ZNF236: variants seen among roughly 807,000 people sequenced by gnomAD.
ZNF236 encodes the protein regulated by glucose.
Under a neutral mutation model 191.2 loss-of-function variants are expected in ZNF236, and 50 were observed. The ratio of observed to expected loss-of-function variants is 0.26; its 90% CI spans 0.21 to 0.33. The LOEUF (loss-of-function observed/expected upper bound fraction) is 0.33. Among genes scored for constraint, ZNF236 ranks in the 10% least tolerant of loss-of-function variants. The pLI, the probability that ZNF236 is intolerant of heterozygous loss-of-function variation, is 1.00. For missense variants in ZNF236, 1,754 were observed against 2,374.5 expected, an observed-to-expected ratio of 0.74 and a Z score of 5.43; for synonymous variants, 907 against 928.8, an observed-to-expected ratio of 0.98 and a Z score of 0.43.
chr18:76,947,799 T>C (rs1968301128), intron 27 of ZNF236, 147 bp downstream of exon 27: 3 of 893,180 alleles, frequency 3.4e-6, no homozygotes, highest in South Asian at 1.8e-5. Flanking sequence ...GAATCCTGAG[T>C]GGACATAGGC....
chr18:76,915,969 A>C, intron 19 of ZNF236, 110 bp downstream of exon 19: 2 of 919,590 alleles, frequency 2.2e-6, no homozygotes, highest in Admixed American at 2.9e-5. Context: ...AGATTAGTTC[A>C]GTAGCACCCT....
Position 76,895,181 on chromosome 18 carries a change from C to A in ZNF236, c.1586C>A (p.Ala529Glu), listed in dbSNP as rs1273492736. ...RAFAVKSTLT[A>E]HIKTHTGIKA... Reference sequence around the variant, plus strand: ...TTCGCCGTGAAGAGCACGCTGACAGCGCACATCAAGACGCACACCGGCATC... The same window carrying A: ...TTCGCCGTGAAGAGCACGCTGACAGAGCACATCAAGACGCACACCGGCATC... The change falls in exon 10 of 31, where the codon GCG becomes GAG. Residue 529 changes from alanine (A) to glutamate (E), a missense_variant. Coordinates refer to ENST00000320610, the MANE Select transcript of ZNF236 (RefSeq NM_001306089.2). 2 of 1,605,292 alleles carry A rather than the reference C, an allele frequency of 1.2e-6. No individual in the cohort carries two copies. The highest frequency in any genetic ancestry group is 1.7e-6 in the Non-Finnish European group (2 of 1,179,978).
chr18:76,934,691 C>T (rs960532928), intron 25 of ZNF236, among the ~76,000 whole-genome samples: 5 of 152,202 alleles, frequency 3.3e-5, no homozygotes, highest in South Asian at 2.1e-4. Context: ...CTGAAGAGGA[C>T]GTTCTCATCC....
At chr18:76,831,861 G>A (rs573228934) in intron 1 of ZNF236, among the ~76,000 whole-genome samples, 1 of 152,234 alleles carries the variant, frequency 6.6e-6, no homozygotes, top group African/African-American at 2.4e-5. Flanking sequence ...GTGAAGGGCT[G>A]TATGCCGTTT....
chr18:76,863,578 AATT>A (rs1353015895), intron 3 of ZNF236, among the ~76,000 whole-genome samples: 3 of 152,036 alleles, frequency 2.0e-5, no homozygotes, highest in African/African-American at 4.8e-5. Flanking sequence ...GTCAATTACA[AATT>A]ATTCTTCTTC....
intron 9 of ZNF236, among the ~76,000 whole-genome samples, chr18:76,893,939 CAGA>C (rs1047800681): frequency 2.0e-5 from 3 of 152,150 alleles, no homozygotes; most frequent in African/African-American, 7.2e-5. Flanking sequence ...GAGAAGGAAA[CAGA>C]AGGTTTTCTT....
At chr18:76,955,940 A>T (rs759870901) in intron 27 of ZNF236, 45 bp from the exon 28 acceptor site, 2 of 1,576,766 alleles carry the variant, frequency 1.3e-6, no homozygotes, top group Admixed American at 1.8e-5. Flanking sequence ...AACTGCACAA[A>T]TCAAGCCAAG....
chr18:76,931,692 A>G (rs370011916), intron 25 of ZNF236, among the ~76,000 whole-genome samples: 1 of 152,236 alleles, frequency 6.6e-6, no homozygotes, highest in South Asian at 2.1e-4. Flanking sequence ...TATGAAAAAT[A>G]AACATATTAA....
chr18:76,830,157 C>T (rs148509674), intron 1 of ZNF236, among the ~76,000 whole-genome samples: 56 of 152,308 alleles, frequency 3.7e-4, no homozygotes, highest in Middle Eastern at 3.4e-3. Flanking sequence ...GTGTGAGCCA[C>T]GGTGCCTGGC....
chr18:76,958,167 C>T (rs1290303840), intron 28 of ZNF236, among the ~76,000 whole-genome samples: 13 of 152,164 alleles, frequency 8.5e-5, no homozygotes, highest in Admixed American at 6.5e-4. Flanking sequence ...GCCAGGCCGA[C>T]AGGTGTGTTG....
chr18:76,932,764 T>G (rs1967891421), intron 25 of ZNF236, among the ~76,000 whole-genome samples: 1 of 152,326 alleles, frequency 6.6e-6, no homozygotes. Context: ...GGTTTCAGTT[T>G]GAGTGGAGTG....
Position 76,925,092 on chromosome 18 carries a change from T to G in ZNF236, c.3662-97T>G, listed in dbSNP as rs1967637600. 3 of 1,515,218 alleles carry G rather than the reference T, an allele frequency of 2.0e-6. No individual in the cohort carries two copies. The highest frequency in any genetic ancestry group is 2.1e-5 in the Admixed American group (1 of 47,212). The allele number at this position is 1,515,218 out of a possible 1,614,324, so 93.9% of individuals were successfully genotyped here. On this transcript the variant is annotated intron_variant, in intron 21 of 30. Coordinates refer to ENST00000320610, the MANE Select transcript of ZNF236 (RefSeq NM_001306089.2). This position sits in a 1 kb window ranked among gnomAD's most constrained non-coding sequence, Gnocchi z 5.7. ...TCATTAAAGTACTTCCATCCACTGATTCAACATATTTACATCCATAGTGAC... is the reference window on the plus strand; with the variant it reads ...TCATTAAAGTACTTCCATCCACTGAGTCAACATATTTACATCCATAGTGAC...
chr18:76,895,613 GCA>G (rs1271327810), intron 10 of ZNF236, among the ~76,000 whole-genome samples: 1 of 150,092 alleles, frequency 6.7e-6, no homozygotes, highest in Non-Finnish European at 1.5e-5. Flanking sequence ...CACAGGTACT[GCA>G]CACAGTATGC....
chr18:76,903,471 AGT>A (rs763373251), intron 11 of ZNF236, among the ~76,000 whole-genome samples: 7 of 152,158 alleles, frequency 4.6e-5, no homozygotes, highest in Non-Finnish European at 8.8e-5. Context: ...GGAAAAACAG[AGT>A]GTGTTCAGAG....
intron 1 of ZNF236, among the ~76,000 whole-genome samples, chr18:76,831,895 T>G (rs186714854): frequency 3.6e-4 from 55 of 152,340 alleles, no homozygotes; most frequent in Admixed American, 1.4e-3. Flanking sequence ...TAGGAGGTCT[T>G]TATATACTCT....
chr18:76,884,494 T>C (rs1340633185), intron 9 of ZNF236, among the ~76,000 whole-genome samples: 1 of 152,212 alleles, frequency 6.6e-6, no homozygotes, highest in African/African-American at 2.4e-5. Flanking sequence ...TTGACTCCTT[T>C]AAGGATGAAA....
intron 9 of ZNF236, among the ~76,000 whole-genome samples, chr18:76,892,731 C>A (rs1977286332): frequency 6.6e-6 from 1 of 152,100 alleles, no homozygotes; most frequent in Non-Finnish European, 1.5e-5. Context: ...CCACGCCCAG[C>A]AAATTTTGTA....
rs189879582 is a variant in ZNF236 at position 76,845,367 on chromosome 18, C to A, written c.56-4159C>A. Among the ~76,000 whole-genome samples, 11 of 152,236 alleles carry A rather than the reference C, an allele frequency of 7.2e-5. No individual in the cohort carries two copies. The East Asian group carries it at 2.1e-3, about 29-fold the overall frequency. On this transcript the variant is annotated intron_variant, in intron 1 of 30. Transcript: ENST00000320610. ...ACCTACCCTCTGTCTTCTTAGGGGG[C>A]AGAAACAGGTAGCTGAAAAGTACTG...
Position 76,927,625 on chromosome 18 carries a change from A to AC in ZNF236, c.4414+108_4414+109insC. ...TATGATGTCATTTTCTTCTCTTTGT[A>AC]GAAGAGAATAAATCAAATGTCCTGA... On this transcript the variant is annotated intron_variant, in intron 24 of 30. Coordinates refer to ENST00000320610, the MANE Select transcript of ZNF236 (RefSeq NM_001306089.2). This position sits in a 1 kb window ranked among gnomAD's most constrained non-coding sequence, Gnocchi z 5.4. 1 of 1,377,328 alleles carries AC rather than the reference A, an allele frequency of 7.3e-7. No individual in the cohort carries two copies. Among genetic ancestry groups the AC allele is most frequent in the Non-Finnish European group, 9.7e-7 (1 of 1,028,956 alleles). 85.3% of individuals were successfully genotyped at this position (1,377,328 alleles called of 1,614,324 possible). A position where few individuals can be genotyped will look rare whatever the true frequency, so the allele number is the denominator to read the frequency against.
Sources: gnomAD v4.1 joint callset for allele counts (sites outside exome capture counted in the v4.1 genomes callset) on GRCh38, gnomAD v4.1.1 for gene constraint, Gnocchi (gnomAD v3.1) non-coding constraint, MANE v1.5 for transcripts, NCBI Gene and HGNC (gene_info 2026-07-23, HGNC 2026-07-21) for gene names.